Variants in METTL15 observed in about 807,000 individuals in gnomAD.
METTL15 encodes 12S rRNA N(4)-cytidine methyltransferase METTL15.
METTL15 carries 34 observed loss-of-function variants against 38.3 expected under a neutral mutation model. The observed-to-expected ratio is 0.89, with a 90% confidence interval of 0.68 to 1.18. The LOEUF (loss-of-function observed/expected upper bound fraction) is 1.18, where lower values mean the gene tolerates loss of function less well. Ranked by LOEUF, METTL15 falls within the 50% of genes most tolerant of loss-of-function variation. The pLI is 0.00. For missense variants in METTL15, 438 were observed against 498.4 expected (o/e 0.88, Z 1.15); for synonymous variants, 162 against 170.9 (o/e 0.95, Z 0.41).
intron 3 of METTL15, among the ~76,000 whole-genome samples, chr11:28,159,450 A>G (rs1161906293): frequency 6.6e-6 from 1 of 151,872 alleles, no homozygotes; most frequent in Non-Finnish European, 1.5e-5. Context: ...CCACCAGGAA[A>G]AAAAAAAAAA....
At chr11:28,362,413 G>A (rs10835314) in intron 5 of METTL15, among the ~76,000 whole-genome samples, 64,277 of 151,866 alleles carry the variant, frequency 0.42, 14,997 homozygotes, top group Admixed American at 0.54. Flanking sequence ...TGAGGCTTTG[G>A]GTCCTAATGA....
intron 3 of METTL15, chr11:28,145,344 G>C (rs1334415612): frequency 1.3e-5 from 2 of 151,218 alleles, no homozygotes; most frequent in African/African-American, 4.9e-5. Context: ...ATTTACCTTT[G>C]TAAGTCATCT....
intron 3 of METTL15, among the ~76,000 whole-genome samples, chr11:28,130,704 CTGTTTA>C (rs1241834616): frequency 6.6e-6 from 1 of 152,160 alleles, no homozygotes; most frequent in Admixed American, 6.5e-5. Flanking sequence ...CATGGTTATT[CTGTTTA>C]TAAGTACAAA....
intron 5 of METTL15, among the ~76,000 whole-genome samples, chr11:28,293,535 G>T (rs1482717903): frequency 1.3e-5 from 2 of 152,088 alleles, no homozygotes; most frequent in African/African-American, 4.8e-5. Context: ...ACTTGGTGAT[G>T]CAGGCTCTTT....
chr11:28,197,520 T>C (rs1213092198), intron 3 of METTL15: 1 of 447,514 alleles, frequency 2.2e-6, no homozygotes, highest in Non-Finnish European at 4.7e-6. Flanking sequence ...TTATTTCCAT[T>C]TACACACGAG....
chr11:28,231,335 G>C (rs1853676694), intron 4 of METTL15, among the ~76,000 whole-genome samples: 1 of 151,738 alleles, frequency 6.6e-6, no homozygotes, highest in Non-Finnish European at 1.5e-5. Flanking sequence ...TTACAAGAAG[G>C]AAGAGTACTC....
intron 6 of METTL15, among the ~76,000 whole-genome samples, chr11:28,505,711 A>G (rs1590397596): frequency 6.6e-6 from 1 of 152,208 alleles, no homozygotes; most frequent in Non-Finnish European, 1.5e-5. Flanking sequence ...TTGCTGGTAC[A>G]TGTTGGATAC....
intron 5 of METTL15, among the ~76,000 whole-genome samples, chr11:28,294,044 T>A (rs61889048): frequency 0.23 from 35,168 of 152,064 alleles, 4,249 homozygotes; most frequent in Non-Finnish European, 0.25. Context: ...GAATACCCTT[T>A]ATTTCCTTCT....
chr11:28,201,610 G>GGTGTGTGTGTGTGTGTGTGTGTGT (rs71050951), intron 3 of METTL15, among the ~76,000 whole-genome samples: 103,883 of 145,446 alleles, frequency 0.71, 37,341 homozygotes, highest in Non-Finnish European at 0.73. Flanking sequence ...GTCTTGGGAG[G>GGTGTGTGTGTGTGTGTGTGTGTGT]GTGTGTGTGT....
chr11:28,118,487 A>C (rs1025984630), intron 3 of METTL15, among the ~76,000 whole-genome samples: 10 of 152,264 alleles, frequency 6.6e-5, no homozygotes, highest in Admixed American at 5.9e-4. Context: ...TATTATCCTA[A>C]GAACTTTTTT....
At chr11:28,197,632 C>T (rs1008235976) in intron 3 of METTL15, 24 of 304,162 alleles carry the variant, frequency 7.9e-5, no homozygotes, top group African/African-American at 4.1e-4. Context: ...TCTGAAGTCA[C>T]ATGTTTAAAC....
At chr11:28,202,468 G>T (rs1026829043) in intron 3 of METTL15, among the ~76,000 whole-genome samples, 2 of 151,636 alleles carry the variant, frequency 1.3e-5, no homozygotes, top group South Asian at 4.2e-4. Flanking sequence ...TAGGCTTATA[G>T]CTGTTTGTTT....
At chr11:28,411,101 A>G (rs1013133386) in intron 5 of METTL15, among the ~76,000 whole-genome samples, 2 of 152,110 alleles carry the variant, frequency 1.3e-5, no homozygotes, top group Non-Finnish European at 2.9e-5. Flanking sequence ...GAAATTGAAC[A>G]CAAATAAATG....
intron 4 of METTL15, among the ~76,000 whole-genome samples, chr11:28,240,371 T>C (rs1854240815): frequency 6.6e-6 from 1 of 152,204 alleles, no homozygotes; most frequent in African/African-American, 2.4e-5. Context: ...CATAGGTATC[T>C]TTTAAATGGA....
At chr11:28,403,750 TTAA>T (rs1302057157) in intron 5 of METTL15, among the ~76,000 whole-genome samples, 4 of 152,104 alleles carry the variant, frequency 2.6e-5, no homozygotes, top group Admixed American at 2.6e-4. Flanking sequence ...AAGAAATGGG[TTAA>T]TGTTTTTATG....
At chr11:28,342,908 T>C (rs1849965673) in intron 3 of METTL15, among the ~76,000 whole-genome samples, 1 of 152,242 alleles carries the variant, frequency 6.6e-6, no homozygotes, top group South Asian at 2.1e-4. Context: ...ATAATGTGCT[T>C]TTGAAAGAGA....
At chr11:28,362,888 C>A (rs896239141) in intron 5 of METTL15, among the ~76,000 whole-genome samples, 8 of 152,150 alleles carry the variant, frequency 5.3e-5, no homozygotes, top group African/African-American at 1.9e-4. Context: ...TATATGCCCA[C>A]AAATGAACAG....
intron 6 of METTL15, among the ~76,000 whole-genome samples, chr11:28,523,339 C>T (rs940230498): frequency 6.6e-6 from 1 of 152,148 alleles, no homozygotes; most frequent in East Asian, 1.9e-4. Flanking sequence ...CATAGTCTAG[C>T]CTATAAAATT....
chr11:28,445,241 G>A (rs770313479), intron 6 of METTL15, among the ~76,000 whole-genome samples: 1 of 152,172 alleles, frequency 6.6e-6, no homozygotes, highest in Non-Finnish European at 1.5e-5. Flanking sequence ...CATTTCTAAT[G>A]TATAGAAAAC....
Sources: gnomAD v4.1 joint callset for allele counts (sites outside exome capture counted in the v4.1 genomes callset) on GRCh38, gnomAD v4.1.1 for gene constraint, MANE v1.5 for transcripts, NCBI Gene and HGNC (gene_info 2026-07-23, HGNC 2026-07-21) for gene names.